Variants in GALNT9 observed in about 807,000 individuals in gnomAD.
GALNT9 encodes GalNAc transferase 9.
Under a neutral mutation model 63.1 loss-of-function variants are expected in GALNT9, and 47 were observed. That is an observed-to-expected ratio of 0.75 (90% CI 0.59 to 0.95). GALNT9 has a LOEUF of 0.95. Among genes scored for constraint, GALNT9 ranks in the 40% least tolerant of loss-of-function variants. GALNT9 has a pLI of 0.00. For missense variants in GALNT9, 829 were observed against 874.8 expected (o/e 0.95, Z 0.66); for synonymous variants, 396 against 365.7 (o/e 1.08, Z -0.94).
chr12:132,311,206 G>T (rs1213300837), intron 1 of GALNT9, among the ~76,000 whole-genome samples: 1 of 152,224 alleles, frequency 6.6e-6, no homozygotes, highest in Non-Finnish European at 1.5e-5. Flanking sequence ...CCCTAAGAGG[G>T]TGTTCTGAAT....
chr12:132,305,139 G>A (rs1351472955), intron 1 of GALNT9, among the ~76,000 whole-genome samples: 139 of 24,642 alleles, frequency 5.6e-3, no homozygotes, highest in Middle Eastern at 0.036. Context: ...GCACAGCCTC[G>A]CCCGGGCACA....
intron 6 of GALNT9, among the ~76,000 whole-genome samples, chr12:132,210,230 G>A (rs116601618): frequency 0.032 from 4,924 of 152,362 alleles, 252 homozygotes; most frequent in African/African-American, 0.11. Flanking sequence ...GCCCTGCTGC[G>A]CGTGGGCGTT....
At chr12:132,239,345 CAG>C (rs1593076163) in intron 6 of GALNT9, among the ~76,000 whole-genome samples, 3 of 139,240 alleles carry the variant, frequency 2.2e-5, no homozygotes, top group African/African-American at 8.3e-5. Context: ...GAGTCAGAGA[CAG>C]AGTCAGAGAC....
chr12:132,313,813 T>TCCACCCACCCACCCACCCAC (rs1230992739), intron 1 of GALNT9, among the ~76,000 whole-genome samples: 1 of 34,584 alleles, frequency 2.9e-5, no homozygotes, highest in Non-Finnish European at 5.3e-5. Context: ...CATCCACCCA[T>TCCACCCACCCACCCACCCAC]CCACCCACCC....
intron 6 of GALNT9, among the ~76,000 whole-genome samples, chr12:132,212,037 C>T (rs763851173): frequency 2.0e-5 from 3 of 152,184 alleles, no homozygotes; most frequent in Admixed American, 6.5e-5. Flanking sequence ...CGGACGTGCA[C>T]GCAGGCAGGC....
chr12:132,297,831 C>G (rs886678565), intron 1 of GALNT9, among the ~76,000 whole-genome samples: 2 of 151,890 alleles, frequency 1.3e-5, no homozygotes, highest in Non-Finnish European at 2.9e-5. Flanking sequence ...CCCAAGAAAA[C>G]TAACTCACTT....
chr12:132,309,363 C>T (rs933700663), intron 1 of GALNT9, among the ~76,000 whole-genome samples: 6 of 152,170 alleles, frequency 3.9e-5, no homozygotes, highest in Non-Finnish European at 7.3e-5. Context: ...GTCGAGGGGT[C>T]GTGCCCCAGT....
intron 1 of GALNT9, among the ~76,000 whole-genome samples, chr12:132,317,508 T>C (rs544306026): frequency 6.6e-6 from 1 of 152,378 alleles, no homozygotes; most frequent in East Asian, 1.9e-4. Flanking sequence ...GCGGTTTTTA[T>C]GAATTCCAGG....
At position 132,245,484 on chromosome 12, in the gene GALNT9, C is replaced by T. The variant is rs1015997355; in HGVS notation, c.1077+2426G>A. On this transcript the variant is annotated intron_variant, in intron 6 of 10. Transcript: ENST00000328957. This position sits in a 1 kb window ranked among gnomAD's most constrained non-coding sequence, Gnocchi z 6.3. ...ATGTGTCATGGAGACGGGAGGGAAG[C>T]TCTCCAACGGCTGCAGCCAGGGCCC... Among the ~76,000 whole-genome samples the T allele has an allele frequency of 3.3e-5, 5 of 152,076 alleles. No individual in the cohort carries two copies. The highest frequency in any genetic ancestry group is 1.2e-4 in the African/African-American group (5 of 41,378).
rs934084448 is a variant in GALNT9, at chr12:132,319,528, G to A, written c.238+9438C>T. Among the ~76,000 whole-genome samples the A allele has an allele frequency of 3.3e-5, 5 of 152,284 alleles. No individual in the cohort carries two copies. The highest frequency in any genetic ancestry group is 1.2e-4 in the African/African-American group (5 of 41,556). On this transcript the variant is annotated intron_variant, in intron 1 of 10. Coordinates refer to ENST00000328957, the MANE Select transcript of GALNT9 (RefSeq NM_001122636.2). This position sits in a 1 kb window ranked among gnomAD's most constrained non-coding sequence, Gnocchi z 5.2. ...GCAGCTTGCAGACGGCAGATGATGG[G>A]GCCTCTTGGTCTGCACAGTCACGGG...
At chr12:132,323,914 C>T (rs975512888) in intron 1 of GALNT9, among the ~76,000 whole-genome samples, 3 of 151,840 alleles carry the variant, frequency 2.0e-5, no homozygotes, top group African/African-American at 4.8e-5. Context: ...GCCTCCAGGG[C>T]GCTGCAGCTG....
At chr12:132,264,172 C>A (rs193210992) in intron 2 of GALNT9, among the ~76,000 whole-genome samples, 1 of 152,220 alleles carries the variant, frequency 6.6e-6, no homozygotes, top group Non-Finnish European at 1.5e-5. Context: ...AGCGGCCACT[C>A]GCTTTATAAA....
In GALNT9 at chr12:132,260,958, T is replaced by C; in HGVS notation, c.751A>G (p.Asn251Asp). Residue 251 changes from asparagine to aspartate, a missense_variant, in exon 4 of 11, where the codon AAC becomes GAC. Transcript: ENST00000328957. ...TGTTCCGGCCCTTACCAGCCCGTGT[T>C]GAACTCGACGTGGGCATCAAAGAAG... ...VGFFDAHVEF[N>D]TGWAEPALSR... 1 of 1,543,244 alleles carries C rather than the reference T, an allele frequency of 6.5e-7. No individual in the cohort carries two copies. Among genetic ancestry groups the C allele is most frequent in the East Asian group, 2.5e-5 (1 of 40,460 alleles).
rs189716412 is a variant in GALNT9, at chr12:132,268,816, G to A, written c.420-6191C>T. Among the ~76,000 whole-genome samples, 11 of 152,246 alleles carry A rather than the reference G, an allele frequency of 7.2e-5. No individual in the cohort carries two copies. In the East Asian group the frequency reaches 1.2e-3, roughly 16 times the overall value. ...GGCGGCCATCAGGGAGCTGCCACTC[G>A]GAGCCACACGGGGGCCGCTGTCTGG... On this transcript the variant is annotated intron_variant, in intron 2 of 10. Transcript: ENST00000328957.
chr12:132,199,164 C>A lies in GALNT9; in HGVS notation c.1497+10G>T, dbSNP rs751117896. 8.9e-6 allele frequency: 14 copies of A among 1,575,528 alleles called. No individual in the cohort carries two copies. In the South Asian group the frequency reaches 1.5e-4, roughly 17 times the overall value. On this transcript the variant is annotated intron_variant, in intron 9 of 10. Transcript: ENST00000328957. ...TTGGGAGCTGCATGGGTGGCCGCTGCTACTCCTACCTGGGAGGACATCCCG... is the reference window on the plus strand; with the variant it reads ...TTGGGAGCTGCATGGGTGGCCGCTGATACTCCTACCTGGGAGGACATCCCG...
In GALNT9 at chr12:132,288,862, G is replaced by A. The variant is rs1333372266; in HGVS notation, c.239-2432C>T. Among the ~76,000 whole-genome samples, 8 of 151,158 alleles carry A rather than the reference G, an allele frequency of 5.3e-5. 1 individual carries two copies. The highest frequency in any genetic ancestry group is 2.1e-4 in the South Asian group (1 of 4,758). ...CTGCCCGATGCCCGGCGTTGGACCC[G>A]GCAGGAGGGTGGCTGAGCGTGGTTT... On this transcript the variant is annotated intron_variant, in intron 1 of 10. Coordinates refer to ENST00000328957, the MANE Select transcript of GALNT9 (RefSeq NM_001122636.2).
chr12:132,215,536 C>T (rs921381669), intron 6 of GALNT9, among the ~76,000 whole-genome samples: 3 of 152,348 alleles, frequency 2.0e-5, no homozygotes, highest in Non-Finnish European at 2.9e-5. Flanking sequence ...CAGGGCTTGG[C>T]GAGTGCGGGG....
intron 1 of GALNT9, among the ~76,000 whole-genome samples, chr12:132,293,520 A>T (rs1400669270): frequency 6.6e-6 from 1 of 152,202 alleles, no homozygotes; most frequent in South Asian, 2.1e-4. Flanking sequence ...CGTATCTCAG[A>T]CACTTGTGCC....
At chr12:132,243,827 C>A (rs2136906000) in intron 6 of GALNT9, among the ~76,000 whole-genome samples, 9,232 of 152,206 alleles carry the variant, frequency 0.061, 374 homozygotes, top group Middle Eastern at 0.15. Context: ...CCAGCCCACC[C>A]GTCAATCACC....
Sources: gnomAD v4.1 joint callset for allele counts (sites outside exome capture counted in the v4.1 genomes callset) on GRCh38, gnomAD v4.1.1 for gene constraint, Gnocchi (gnomAD v3.1) non-coding constraint, MANE v1.5 for transcripts, NCBI Gene and HGNC (gene_info 2026-07-23, HGNC 2026-07-21) for gene names.